The following SRSF4 variants were observed in gnomAD, a reference collection of about 807,000 sequenced individuals.
SRSF4 encodes serine and arginine rich splicing factor 4, also known as serine/arginine-rich splicing factor 4.
In SRSF4, 12 loss-of-function variants were observed where a neutral mutation model predicts 48.8. That is an observed-to-expected ratio of 0.25 (90% CI 0.16 to 0.40). The LOEUF is 0.40. SRSF4 is among the 10% of genes least tolerant of loss of function. SRSF4 has a pLI of 1.00. For synonymous variants in SRSF4, 248 were observed against 232.5 expected (o/e 1.07, Z -0.61); for missense variants, 466 against 667.1 (o/e 0.70, Z 3.32).
At chr1:29,161,730 C>G (rs1262414485) in intron 1 of SRSF4, among the ~76,000 whole-genome samples, 3 of 152,226 alleles carry the variant, frequency 2.0e-5, no homozygotes, top group Non-Finnish European at 4.4e-5. Context: ...TCCCGAGTAG[C>G]TGGGATTACA....
intron 5 of SRSF4, 150 bp from the exon 6 acceptor site, chr1:29,149,376 G>C: frequency 9.4e-7 from 1 of 1,063,762 alleles, no homozygotes; most frequent in Non-Finnish European, 1.3e-6. Flanking sequence ...CCCTCACAAT[G>C]CCAATCAGAA....
intron 1 of SRSF4, chr1:29,173,458 TTTTTTTTC>T (rs1255530367): frequency 8.7e-6 from 1 of 115,112 alleles, no homozygotes; most frequent in Non-Finnish European, 1.7e-5. Context: ...AAGTTGTTTT[TTTTTTTTC>T]TTTTTTTTTT....
intron 3 of SRSF4, among the ~76,000 whole-genome samples, chr1:29,158,860 G>A (rs1205592774): frequency 6.6e-6 from 1 of 151,994 alleles, no homozygotes; most frequent in African/African-American, 2.4e-5. Context: ...GGTGGCTCAC[G>A]CCTGTAATCC....
intron 1 of SRSF4, among the ~76,000 whole-genome samples, chr1:29,175,250 AAAAAATAC>A: frequency 6.6e-6 from 1 of 151,224 alleles, no homozygotes; most frequent in African/African-American, 2.4e-5. Context: ...CCGTTTCTAC[AAAAAATAC>A]AAAAATTAGC....
chr1:29,149,038 G>A lies in SRSF4; in HGVS notation c.857C>T (p.Pro286Leu), dbSNP rs1462221042. The A allele has an allele frequency of 1.2e-6, 2 of 1,612,892 alleles. No individual in the cohort carries two copies. The highest frequency in any genetic ancestry group is 3.3e-5 in the Admixed American group (2 of 59,892). ...KIQNNDNVGKPKSRSPSRHKS... is the reference protein window; with the variant it reads ...KIQNNDNVGKLKSRSPSRHKS... The stretch of plus-strand genomic sequence containing the variant: ...ATGCCTGCTAGGACTCCGGCTCTTG[G>A]GTTTCCCGACATTGTCATTGTTTTG... Residue 286 changes from proline (P) to leucine (L), a missense_variant, in exon 6 of 6, where the codon CCC becomes CTC. Physicochemically the swap from Pro to Leu is moderately conservative, Grantham distance 98 (BLOSUM62 -3). Coordinates refer to ENST00000373795, the MANE Select transcript of SRSF4 (RefSeq NM_005626.5).
At chr1:29,173,503 G>C (rs1318648177) in intron 1 of SRSF4, 16 of 103,480 alleles carry the variant, frequency 1.5e-4, no homozygotes, top group Non-Finnish European at 1.8e-5. Context: ...GTCTCACTCT[G>C]TTGCCCAGGC....
chr1:29,167,874 TCTC>T (rs753480512), intron 1 of SRSF4, among the ~76,000 whole-genome samples: 3 of 152,210 alleles, frequency 2.0e-5, no homozygotes, highest in Non-Finnish European at 2.9e-5. Context: ...TTATTATTCT[TCTC>T]ATTTTACAAT....
chr1:29,153,159 T>A lies in SRSF4; in HGVS notation c.578+1537A>T, dbSNP rs538999712. Among the ~76,000 whole-genome samples, 112 of 151,856 alleles carry A rather than the reference T, an allele frequency of 7.4e-4. 1 individual carries two copies. The highest frequency in any genetic ancestry group is 1.3e-3 in the Non-Finnish European group (88 of 67,948). ...TATTTGTCTTTTTTTTGAGACAGAG[T>A]CTCTTTCTGTCGCCCAGGCTGGAGT... On this transcript the variant is annotated intron_variant, in intron 4 of 5. Transcript: ENST00000373795.
intron 1 of SRSF4, chr1:29,171,139 C>G (rs369152984): frequency 1.3e-5 from 2 of 152,084 alleles, no homozygotes; most frequent in Non-Finnish European, 1.5e-5. Flanking sequence ...CAGCCAACCA[C>G]GATAAAGCTG....
intron 5 of SRSF4, among the ~76,000 whole-genome samples, 192 bp from the exon 6 acceptor site, chr1:29,149,418 T>C (rs761319051): frequency 2.7e-4 from 41 of 152,238 alleles, no homozygotes; most frequent in Non-Finnish European, 3.4e-4. Flanking sequence ...CGGCGGCTCA[T>C]GCCCATAATC....
chr1:29,165,787 CGT>C (rs574467909), intron 1 of SRSF4: 4 of 152,252 alleles, frequency 2.6e-5, no homozygotes, highest in Non-Finnish European at 5.9e-5. Context: ...AGCCTCCATG[CGT>C]GTGACCGTGG....
At position 29,148,104 on chromosome 1, in the gene SRSF4, G is replaced by A. The variant is rs1286702617; in HGVS notation, c.*306C>T. 1.8e-6 allele frequency: 1 copy of A among 545,006 alleles called. No individual in the cohort carries two copies. The highest frequency in any genetic ancestry group is 3.5e-6 in the Non-Finnish European group (1 of 285,656). The allele number at this position is 545,006 out of a possible 1,614,324, so 33.8% of individuals were successfully genotyped here. A position where few individuals can be genotyped will look rare whatever the true frequency, so the allele number is the denominator to read the frequency against. ...CCTATGTGGTCATTCCAGCCTTAGA[G>A]CCGTCCAGGTTACTGAGCTCCCTGT... On this transcript the variant is annotated 3_prime_UTR_variant, in exon 6 of 6. Transcript: ENST00000373795.
chr1:29,158,038 G>A (rs975525512), intron 3 of SRSF4, among the ~76,000 whole-genome samples: 2 of 152,086 alleles, frequency 1.3e-5, no homozygotes, highest in African/African-American at 4.8e-5. Flanking sequence ...CGGGCATGGT[G>A]GCATGCACTT....
chr1:29,158,844 G>A (rs911845392), intron 3 of SRSF4, among the ~76,000 whole-genome samples: 18 of 151,896 alleles, frequency 1.2e-4, no homozygotes, highest in Non-Finnish European at 2.9e-5. Flanking sequence ...AAATCAGGCC[G>A]GGCGCGGTGG....
chr1:29,177,506 T>A (rs1025078164), intron 1 of SRSF4, among the ~76,000 whole-genome samples: 1 of 152,100 alleles, frequency 6.6e-6, no homozygotes, highest in Non-Finnish European at 1.5e-5. Context: ...GGTCTTGAAC[T>A]TATGACCTTG....
At chr1:29,156,821 G>T (rs935340751) in intron 3 of SRSF4, among the ~76,000 whole-genome samples, 2 of 152,236 alleles carry the variant, frequency 1.3e-5, no homozygotes, top group African/African-American at 4.8e-5. Flanking sequence ...AGTGCATAAA[G>T]AGTGGGGGCC....
At chr1:29,152,906 G>C (rs1258853213) in intron 4 of SRSF4, among the ~76,000 whole-genome samples, 1 of 138,678 alleles carries the variant, frequency 7.2e-6, no homozygotes, top group African/African-American at 2.6e-5. Flanking sequence ...GTGACAGAGT[G>C]AAAGAAACTC....
intron 1 of SRSF4, among the ~76,000 whole-genome samples, chr1:29,167,719 T>C (rs1672687002): frequency 6.6e-6 from 1 of 152,230 alleles, no homozygotes. Context: ...TTTTTGTCTT[T>C]GTGCTTACCT....
chr1:29,160,254 C>G (rs371066725), intron 2 of SRSF4, 121 bp downstream of exon 2: 2 of 1,171,368 alleles, frequency 1.7e-6, no homozygotes, highest in East Asian at 3.0e-5. Flanking sequence ...AAAAAAGATA[C>G]ATAATTTACA....
Sources: gnomAD v4.1 joint callset for allele counts (sites outside exome capture counted in the v4.1 genomes callset) on GRCh38, gnomAD v4.1.1 for gene constraint, MANE v1.5 for transcripts, NCBI Gene and HGNC (gene_info 2026-07-23, HGNC 2026-07-21) for gene names.